The following CSMD1 variants were observed in gnomAD, a reference collection of about 807,000 sequenced individuals.
CSMD1 encodes CUB and sushi domain-containing protein 1.
Under a neutral mutation model 417.5 loss-of-function variants are expected in CSMD1, and 213 were observed. That is an observed-to-expected ratio of 0.51 (90% CI 0.46 to 0.57). The LOEUF (loss-of-function observed/expected upper bound fraction) is 0.57, where lower values mean the gene tolerates loss of function less well. Ranked by LOEUF, CSMD1 falls within the 20% of genes least tolerant of loss-of-function variation. The pLI, the probability that CSMD1 is intolerant of heterozygous loss-of-function variation, is 0.00. For synonymous variants in CSMD1, 2,862 were observed against 1,736.8 expected (o/e 1.65, Z -16.11); for missense variants, 6,923 against 4,529.7 (o/e 1.53, Z -15.17).
At chr8:4,240,712 G>A (rs1802348220) in intron 3 of CSMD1, among the ~76,000 whole-genome samples, 1 of 152,114 alleles carries the variant, frequency 6.6e-6, no homozygotes, top group Admixed American at 6.5e-5. Flanking sequence ...TTTAAAAAAT[G>A]CAGTTGATGC....
intron 1 of CSMD1, among the ~76,000 whole-genome samples, chr8:4,906,018 A>G (rs1014381707): frequency 6.6e-6 from 1 of 152,088 alleles, no homozygotes; most frequent in Admixed American, 6.6e-5. Context: ...GATCCGATAA[A>G]TTAAAATAGA....
intron 1 of CSMD1, among the ~76,000 whole-genome samples, chr8:4,794,174 T>C (rs1034439406): frequency 1.8e-4 from 28 of 152,216 alleles, no homozygotes; most frequent in African/African-American, 6.3e-4. Flanking sequence ...TTCTCTTCAA[T>C]TGTTAAATAT....
intron 49 of CSMD1, among the ~76,000 whole-genome samples, chr8:3,069,434 GA>G (rs113747632): frequency 4.4e-4 from 61 of 138,008 alleles, no homozygotes; most frequent in Middle Eastern, 3.7e-3. Flanking sequence ...GACTCTGTCT[GA>G]AAAAAAAAAA....
At chr8:4,304,976 T>C (rs563584817) in intron 3 of CSMD1, among the ~76,000 whole-genome samples, 202 of 152,316 alleles carry the variant, frequency 1.3e-3, no homozygotes, top group African/African-American at 4.6e-3. Context: ...AACGTCTGGA[T>C]GGTAATGCCA....
chr8:4,677,157 C>G (rs1403066860), intron 1 of CSMD1, among the ~76,000 whole-genome samples: 1 of 147,992 alleles, frequency 6.8e-6, no homozygotes, highest in African/African-American at 2.5e-5. Flanking sequence ...TACATTATAT[C>G]TCTATCGGAT....
At chr8:4,027,644 T>G (rs920780022) in intron 4 of CSMD1, among the ~76,000 whole-genome samples, 6 of 152,118 alleles carry the variant, frequency 3.9e-5, no homozygotes, top group African/African-American at 1.2e-4. Context: ...AATTACCCAG[T>G]CTCAGGTATT....
At chr8:4,184,299 T>G (rs570836739) in intron 3 of CSMD1, among the ~76,000 whole-genome samples, 1 of 152,318 alleles carries the variant, frequency 6.6e-6, no homozygotes, top group East Asian at 1.9e-4. Context: ...CAGGAATTAA[T>G]GGCTGAGGCT....
At chr8:3,855,498 T>TA (rs1380163948) in intron 5 of CSMD1, among the ~76,000 whole-genome samples, 3 of 152,314 alleles carry the variant, frequency 2.0e-5, no homozygotes, top group African/African-American at 7.2e-5. Flanking sequence ...TAAGCTCATA[T>TA]GTCAAAAAAC....
At chr8:4,297,972 A>G (rs994792002) in intron 3 of CSMD1, among the ~76,000 whole-genome samples, 1 of 152,160 alleles carries the variant, frequency 6.6e-6, no homozygotes, top group African/African-American at 2.4e-5. Context: ...TGAAGAGTGA[A>G]TATGGTGAAG....
intron 26 of CSMD1, among the ~76,000 whole-genome samples, chr8:3,260,539 G>A (rs1221908818): frequency 1.3e-5 from 2 of 151,968 alleles, no homozygotes; most frequent in Non-Finnish European, 2.9e-5. Flanking sequence ...TTCTGAAAAT[G>A]TCAGAGTGCT....
chr8:4,211,244 G>A (rs1038437805), intron 3 of CSMD1, among the ~76,000 whole-genome samples: 3 of 151,854 alleles, frequency 2.0e-5, no homozygotes, highest in African/African-American at 7.3e-5. Context: ...ACCTCAGATA[G>A]GGGGAAAAGA....
chr8:4,040,148 G>A (rs1367682580), intron 3 of CSMD1, among the ~76,000 whole-genome samples: 1 of 152,140 alleles, frequency 6.6e-6, no homozygotes, highest in Non-Finnish European at 1.5e-5. Context: ...TGAGAGTCAA[G>A]GCTATTAATG....
chr8:4,481,315 A>T (rs1239440672), intron 2 of CSMD1, among the ~76,000 whole-genome samples: 1 of 152,216 alleles, frequency 6.6e-6, no homozygotes, highest in East Asian at 1.9e-4. Flanking sequence ...TCCCATTTTT[A>T]ATTATAATGC....
intron 3 of CSMD1, among the ~76,000 whole-genome samples, chr8:4,150,640 T>A (rs1277735570): frequency 6.6e-6 from 1 of 152,176 alleles, no homozygotes; most frequent in Non-Finnish European, 1.5e-5. Context: ...CCAATATTCT[T>A]CCAGTTTTCC....
At chr8:4,642,245 A>T (rs1216463220) in intron 1 of CSMD1, among the ~76,000 whole-genome samples, 1 of 152,192 alleles carries the variant, frequency 6.6e-6, no homozygotes, top group Non-Finnish European at 1.5e-5. Context: ...AGGCCGGAAA[A>T]CACATTCCAG....
At chr8:4,446,335 C>A (rs78239971) in intron 2 of CSMD1, among the ~76,000 whole-genome samples, 1 of 152,098 alleles carries the variant, frequency 6.6e-6, no homozygotes, top group African/African-American at 2.4e-5. Flanking sequence ...ATCGCTTGAG[C>A]CCAGGAGTTT....
At chr8:4,021,430 C>G (rs942552717) in intron 4 of CSMD1, among the ~76,000 whole-genome samples, 2 of 152,166 alleles carry the variant, frequency 1.3e-5, no homozygotes, top group Non-Finnish European at 2.9e-5. Flanking sequence ...GAGTGGACAG[C>G]ACTGCTCTAA....
At chr8:3,422,658 T>C (rs1472976736) in intron 12 of CSMD1, among the ~76,000 whole-genome samples, 1 of 152,226 alleles carries the variant, frequency 6.6e-6, no homozygotes, top group Non-Finnish European at 1.5e-5. Flanking sequence ...TTCAAATCTA[T>C]TTTCGATGCA....
At chr8:3,814,659 G>A (rs894929892) in intron 5 of CSMD1, among the ~76,000 whole-genome samples, 14 of 152,300 alleles carry the variant, frequency 9.2e-5, no homozygotes, top group Middle Eastern at 3.4e-3. Flanking sequence ...AACCTCAAAT[G>A]TGAATAGTGC....
Sources: gnomAD v4.1 joint callset for allele counts (sites outside exome capture counted in the v4.1 genomes callset) on GRCh38, gnomAD v4.1.1 for gene constraint, MANE v1.5 for transcripts, NCBI Gene and HGNC (gene_info 2026-07-23, HGNC 2026-07-21) for gene names.